The following TRIB3 variants were observed in gnomAD, a reference collection of about 807,000 sequenced individuals.
TRIB3 encodes tribbles homolog 3.
TRIB3 carries 20 observed loss-of-function variants against 16.6 expected under a neutral mutation model. That is an observed-to-expected ratio of 1.20 (90% CI 0.85 to 1.75). The LOEUF (loss-of-function observed/expected upper bound fraction) is 1.75. Ranked by LOEUF, TRIB3 falls within the 40% of genes most tolerant of loss-of-function variation. The pLI is 0.00. For missense variants in TRIB3, 484 were observed against 488.9 expected, an observed-to-expected ratio of 0.99 and a Z score of 0.10; for synonymous variants, 208 against 217.0, an observed-to-expected ratio of 0.96 and a Z score of 0.36.
In TRIB3 at chr20:386,082, T is replaced by C. The variant is rs532398039; in HGVS notation, c.1-1929T>C. 2.6e-5 allele frequency among the ~76,000 whole-genome samples: 4 copies of C among 152,106 alleles called. No homozygotes were observed. The South Asian group carries it at 8.3e-4, about 31-fold the overall frequency. On this transcript the variant is annotated intron_variant, in intron 1 of 3. Coordinates refer to ENST00000217233, the MANE Select transcript of TRIB3 (RefSeq NM_021158.5). ...TCTCACTATGTTGCCCAAGCTGGTC[T>C]TGAACTTTTGGGTTCAAGCAGTCTT...
At chr20:382,731 G>C in intron 1 of TRIB3, 1 of 812,108 alleles carries the variant, frequency 1.2e-6, no homozygotes, top group Non-Finnish European at 2.0e-6. Context: ...GGCTCAGAAA[G>C]CTTGAGGAAC....
rs1165644657 is a variant in TRIB3 at position 380,868 on chromosome 20, A to ACCCG, written c.-302_-301insCCCG. ...GTGCGATCCCGGGCCCGAGGGCATC[A>ACCCG]GACGGCGGCTGATTAGCTCCGGTTT... On this transcript the variant is annotated 5_prime_UTR_variant, in exon 1 of 4. An upstream open reading frame in the 5' UTR gains an earlier in-frame stop. Coordinates refer to ENST00000217233, the MANE Select transcript of TRIB3 (RefSeq NM_021158.5). 2 of 95,480 alleles carry ACCCG rather than the reference A, an allele frequency of 2.1e-5. No homozygotes were observed. The highest frequency in any genetic ancestry group is 5.9e-5 in the African/African-American group (2 of 33,936). 5.9% of individuals were successfully genotyped at this position (95,480 alleles called of 1,614,324 possible).
rs2015149018 is a variant in TRIB3 at position 396,985 on chromosome 20, A to G, written c.*295A>G. On this transcript the variant is annotated 3_prime_UTR_variant, in exon 4 of 4. Transcript: ENST00000217233. The stretch of plus-strand genomic sequence containing the variant: ...ACAAACTGGCATCCTTGAGCTGACA[A>G]CACTTTTCCATGACCATAGGTCACT... 2 of 380,278 alleles carry G rather than the reference A, an allele frequency of 5.3e-6. No homozygotes were observed. The highest frequency in any genetic ancestry group is 4.3e-5 in the South Asian group (1 of 23,336). The allele number at this position is 380,278 out of a possible 1,614,324, so 23.6% of individuals were successfully genotyped here. A position where few individuals can be genotyped will look rare whatever the true frequency, so the allele number is the denominator to read the frequency against.
intron 1 of TRIB3, chr20:382,306 C>G: frequency 1.9e-6 from 1 of 522,628 alleles, no homozygotes; most frequent in Non-Finnish European, 3.5e-6. Flanking sequence ...GTTACCGCAT[C>G]TGTCCCCATC....
chr20:391,710 C>A, intron 3 of TRIB3, 131 bp downstream of exon 3: 6 of 1,239,874 alleles, frequency 4.8e-6, no homozygotes, highest in Non-Finnish European at 6.6e-6. Context: ...CCAGCAGCCC[C>A]TGTTTAGTTC....
intron 3 of TRIB3, among the ~76,000 whole-genome samples, chr20:394,429 AC>A (rs1445143430): frequency 3.3e-5 from 5 of 152,218 alleles, no homozygotes; most frequent in African/African-American, 1.2e-4. Flanking sequence ...AACTTCAAAC[AC>A]ATTTTAGGCT....
Position 380,991 on chromosome 20 carries a change from G to A in TRIB3, c.-179G>A, listed in dbSNP as rs553210578. ...CCCGGACCGGGGGCCGGGCGCGCAC[G>A]AGACTCGCAGCGGAAGTGGAGGCGG... On this transcript the variant is annotated 5_prime_UTR_variant, in exon 1 of 4. Transcript: ENST00000217233. The A allele has an allele frequency of 9.4e-6, 1 of 105,848 alleles. No individual in the cohort carries two copies. Among genetic ancestry groups the A allele is most frequent in the Non-Finnish European group, 2.3e-5 (1 of 43,012 alleles). 6.6% of individuals were successfully genotyped at this position (105,848 alleles called of 1,614,324 possible). A position where few individuals can be genotyped will look rare whatever the true frequency, so the allele number is the denominator to read the frequency against.
Position 396,367 on chromosome 20 carries a change from T to C in TRIB3, c.754T>C (p.Phe252Leu), listed in dbSNP as rs138118324. ...ADVWSLGVAL[F>L]TMLAGHYPFQ... Reference sequence around the variant, plus strand: ...TGTCTGGAGCCTGGGCGTGGCGCTCTTCACCATGCTGGCCGGCCACTACCC... The same window carrying C: ...TGTCTGGAGCCTGGGCGTGGCGCTCCTCACCATGCTGGCCGGCCACTACCC... Residue 252 changes from phenylalanine to leucine, a missense_variant, in exon 4 of 4, where the codon TTC becomes CTC. Coordinates refer to ENST00000217233, the MANE Select transcript of TRIB3 (RefSeq NM_021158.5). 3 of 1,613,494 alleles carry C rather than the reference T, an allele frequency of 1.9e-6. No individual in the cohort carries two copies. The highest frequency in any genetic ancestry group is 1.7e-6 in the Non-Finnish European group (2 of 1,180,044).
intron 1 of TRIB3, chr20:382,339 C>G (rs2014684399): frequency 1.7e-6 from 1 of 573,630 alleles, no homozygotes; most frequent in Non-Finnish European, 3.1e-6. Flanking sequence ...ATCCCAGGCC[C>G]CAACAGGCTC....
chr20:388,345 T>C, intron 2 of TRIB3, 44 bp downstream of exon 2: 1 of 1,553,638 alleles, frequency 6.4e-7, no homozygotes, highest in Non-Finnish European at 8.7e-7. Flanking sequence ...ACAGGAGGCC[T>C]GGGAAGGAGG....
At chr20:386,781 C>T (rs940096556) in intron 1 of TRIB3, among the ~76,000 whole-genome samples, 6 of 151,874 alleles carry the variant, frequency 4.0e-5, no homozygotes, top group Admixed American at 2.6e-4. Context: ...CCATGTTGGC[C>T]AGGCTGGTCT....
intron 1 of TRIB3, among the ~76,000 whole-genome samples, chr20:386,215 G>A (rs2122670813): frequency 6.6e-6 from 1 of 152,142 alleles, no homozygotes; most frequent in South Asian, 2.1e-4. Flanking sequence ...GGAAGATCCT[G>A]ACGGCAAGAC....
chr20:395,683 A>G (rs1184739981), intron 3 of TRIB3, among the ~76,000 whole-genome samples: 3 of 152,124 alleles, frequency 2.0e-5, no homozygotes, highest in African/African-American at 7.2e-5. Context: ...CATGCTCTAC[A>G]GCTGTAAAAT....
chr20:382,639 T>C lies in TRIB3; in HGVS notation c.-1+1470T>C, dbSNP rs1487165185. On this transcript the variant is annotated intron_variant, in intron 1 of 3. Coordinates refer to ENST00000217233, the MANE Select transcript of TRIB3 (RefSeq NM_021158.5). ...TACCTGGCAACAGGTCCATAAGCTC[T>C]ACATGCTTCATTTGTGTTTTCATTT... 5 of 1,362,788 alleles carry C rather than the reference T, an allele frequency of 3.7e-6. No homozygotes were observed. In the Admixed American group the frequency reaches 9.8e-5, roughly 27 times the overall value. The allele number at this position is 1,362,788 out of a possible 1,614,324, so 84.4% of individuals were successfully genotyped here. A position where few individuals can be genotyped will look rare whatever the true frequency, so the allele number is the denominator to read the frequency against.
At position 387,886 on chromosome 20, in the gene TRIB3, G is replaced by A. The variant is rs553567497; in HGVS notation, c.1-125G>A. The A allele has an allele frequency of 1.2e-4, 146 of 1,170,988 alleles. 1 individual carries two copies. The East Asian group carries it at 3.5e-3, about 28-fold the overall frequency. The allele number at this position is 1,170,988 out of a possible 1,614,324, so 72.5% of individuals were successfully genotyped here. ...CACCCAGTTAAGGATATGTGACTTTGTCATTTTAACACACACTGCCAGATC... is the reference window on the plus strand; with the variant it reads ...CACCCAGTTAAGGATATGTGACTTTATCATTTTAACACACACTGCCAGATC... On this transcript the variant is annotated intron_variant, in intron 1 of 3. Coordinates refer to ENST00000217233, the MANE Select transcript of TRIB3 (RefSeq NM_021158.5).
chr20:395,421 A>G (rs2015098313), intron 3 of TRIB3, among the ~76,000 whole-genome samples: 1 of 151,876 alleles, frequency 6.6e-6, no homozygotes, highest in Non-Finnish European at 1.5e-5. Flanking sequence ...TCGGCCTCCC[A>G]AAGTGCTAGG....
intron 1 of TRIB3, among the ~76,000 whole-genome samples, chr20:386,203 C>T (rs2014802532): frequency 6.6e-6 from 1 of 152,060 alleles, no homozygotes; most frequent in Non-Finnish European, 1.5e-5. Context: ...TCCAAATTGA[C>T]TGGAAGATCC....
intron 1 of TRIB3, among the ~76,000 whole-genome samples, chr20:387,303 G>A (rs2014845117): frequency 6.6e-6 from 1 of 152,058 alleles, no homozygotes; most frequent in African/African-American, 2.4e-5. Context: ...TGAACCCTGA[G>A]GTCGAGGCTG....
chr20:390,826 A>T (rs2014951028), intron 2 of TRIB3, among the ~76,000 whole-genome samples: 1 of 151,628 alleles, frequency 6.6e-6, no homozygotes, highest in African/African-American at 2.4e-5. Context: ...ACATGATGAA[A>T]CCCCATCTCT....
Sources: allele counts gnomAD v4.1 joint callset (sites outside exome capture counted in the v4.1 genomes callset), GRCh38; gene constraint gnomAD v4.1.1; transcripts MANE v1.5; gene names NCBI Gene and HGNC (gene_info 2026-07-23, HGNC 2026-07-21).